ARHGAP28: variants seen among roughly 807,000 people sequenced by gnomAD.
ARHGAP28 encodes Rho GTPase activating protein 28.
ARHGAP28 carries 56 observed loss-of-function variants against 90.7 expected under a neutral mutation model. That is an observed-to-expected ratio of 0.62 (90% CI 0.50 to 0.77). ARHGAP28 has a LOEUF of 0.77. Among genes scored for constraint, ARHGAP28 ranks in the 30% least tolerant of loss-of-function variants. ARHGAP28 has a pLI of 0.00. For missense variants in ARHGAP28, 869 were observed against 900.9 expected, an observed-to-expected ratio of 0.96 and a Z score of 0.45; for synonymous variants, 308 against 323.3, an observed-to-expected ratio of 0.95 and a Z score of 0.51.
Position 6,859,898 on chromosome 18 carries a change from G to T in ARHGAP28, c.726+1G>T. ...TGCGGTTCCCAGGAGTGACTCTGTG[G>T]TAAGTCATCCATGTCAGCACAGTTA... On this transcript the variant is annotated splice_donor_variant, in intron 5 of 17. Coordinates refer to ENST00000383472, the MANE Select transcript of ARHGAP28 (RefSeq NM_001366230.1). LOFTEE classifies it high-confidence loss of function. 1 of 1,613,700 alleles carries T rather than the reference G, an allele frequency of 6.2e-7. No homozygotes were observed. Among genetic ancestry groups the T allele is most frequent in the East Asian group, 2.2e-5 (1 of 44,884 alleles).
chr18:6,750,936 G>A (rs2056063825), intron 1 of ARHGAP28, among the ~76,000 whole-genome samples: 1 of 151,974 alleles, frequency 6.6e-6, no homozygotes, highest in Non-Finnish European at 1.5e-5. Context: ...TTTCCTTTAT[G>A]CTACCAGTAA....
intron 1 of ARHGAP28, among the ~76,000 whole-genome samples, chr18:6,765,150 G>A (rs910863056): frequency 1.3e-5 from 2 of 152,130 alleles, no homozygotes; most frequent in East Asian, 3.9e-4. Flanking sequence ...GATGGTTTTG[G>A]TATCATTATA....
intron 3 of ARHGAP28, among the ~76,000 whole-genome samples, chr18:6,842,891 A>G (rs1481844446): frequency 6.6e-6 from 1 of 152,216 alleles, no homozygotes; most frequent in Non-Finnish European, 1.5e-5. Context: ...ATTAGAAATT[A>G]AAAAATAACA....
rs1409937279 is a variant in ARHGAP28 at position 6,896,540 on chromosome 18, A to T, written c.1944A>T (p.Pro648=). 1.2e-6 allele frequency: 2 copies of T among 1,614,190 alleles called. No individual in the cohort carries two copies. Among genetic ancestry groups the T allele is most frequent in the Non-Finnish European group, 1.7e-6 (2 of 1,180,010 alleles). ...VPEGVIRVHA[P]LLSKVSMAIQ... Reference sequence around the variant, plus strand: ...AAGGAGTCATACGGGTCCATGCTCCACTTCTCTCCAAGGTGTCCATGGCCA... The same window carrying T: ...AAGGAGTCATACGGGTCCATGCTCCTCTTCTCTCCAAGGTGTCCATGGCCA... Residue 648 remains proline, a synonymous_variant, in exon 16 of 18, where the codon CCA becomes CCT. Transcript: ENST00000383472.
At chr18:6,756,729 C>T (rs940432924) in intron 1 of ARHGAP28, among the ~76,000 whole-genome samples, 16 of 152,104 alleles carry the variant, frequency 1.1e-4, no homozygotes, top group African/African-American at 2.2e-4. Context: ...GTAGGGAAGC[C>T]GACAGTGCAG....
chr18:6,841,411 A>G (rs1405739415), intron 3 of ARHGAP28, among the ~76,000 whole-genome samples: 1 of 151,662 alleles, frequency 6.6e-6, no homozygotes, highest in East Asian at 1.9e-4. Context: ...TTAATCTTAG[A>G]TGTATAAATT....
intron 1 of ARHGAP28, among the ~76,000 whole-genome samples, chr18:6,762,043 G>T (rs1044560996): frequency 1.3e-5 from 2 of 152,116 alleles, no homozygotes; most frequent in Admixed American, 6.6e-5. Flanking sequence ...TTACCCATTT[G>T]CTGGTAGCAT....
intron 1 of ARHGAP28, among the ~76,000 whole-genome samples, chr18:6,794,031 TTAAAAA>T (rs1052864890): frequency 6.6e-6 from 1 of 152,148 alleles, no homozygotes; most frequent in East Asian, 1.9e-4. Flanking sequence ...CTTTTTCCAG[TTAAAAA>T]TAAACAATAT....
intron 16 of ARHGAP28, chr18:6,898,469 C>T (rs1235648246): frequency 6.2e-7 from 1 of 1,613,636 alleles, no homozygotes; most frequent in South Asian, 1.1e-5. Context: ...CACTTTCCTT[C>T]CTAAATGGAA....
At chr18:6,879,634 C>T (rs2057161364) in intron 10 of ARHGAP28, among the ~76,000 whole-genome samples, 1 of 152,216 alleles carries the variant, frequency 6.6e-6, no homozygotes, top group African/African-American at 2.4e-5. Flanking sequence ...CAGTATGACG[C>T]GGTATTATTC....
In ARHGAP28 at chr18:6,780,153, G is replaced by A. The variant is rs75256672; in HGVS notation, c.123-44609G>A. Among the ~76,000 whole-genome samples the A allele has an allele frequency of 4.0e-3, 616 of 152,296 alleles. 3 individuals carry two copies. Among genetic ancestry groups the A allele is most frequent in the African/African-American group, 0.011 (466 of 41,570 alleles). ...AAGGCCAGATGGCTGCCCAGAATCA[G>A]CTGGTCATATGCAGAAGCGAGACCA... On this transcript the variant is annotated intron_variant, in intron 1 of 17. Transcript: ENST00000383472.
At chr18:6,840,468 C>T (rs1394692484) in intron 3 of ARHGAP28, among the ~76,000 whole-genome samples, 1 of 152,148 alleles carries the variant, frequency 6.6e-6, no homozygotes, top group Non-Finnish European at 1.5e-5. Context: ...TTTTTGTGCA[C>T]CTTCTTCTTT....
intron 11 of ARHGAP28, among the ~76,000 whole-genome samples, chr18:6,882,967 G>C (rs2057190631): frequency 6.6e-6 from 1 of 152,112 alleles, no homozygotes; most frequent in Admixed American, 6.5e-5. Flanking sequence ...TGTAACAAGA[G>C]AAAAGTTTGG....
intron 2 of ARHGAP28, among the ~76,000 whole-genome samples, chr18:6,825,791 CT>C: frequency 6.6e-6 from 1 of 152,172 alleles, no homozygotes. Flanking sequence ...TGATTTCACT[CT>C]TTTTTATGGC....
intron 10 of ARHGAP28, 141 bp from the exon 11 acceptor site, chr18:6,881,996 T>C: frequency 1.5e-6 from 1 of 659,048 alleles, no homozygotes; most frequent in South Asian, 3.6e-5. Flanking sequence ...CTTAATCATG[T>C]TGAAAAAAAA....
At chr18:6,757,888 C>CA (rs942107782) in intron 1 of ARHGAP28, among the ~76,000 whole-genome samples, 22 of 152,220 alleles carry the variant, frequency 1.4e-4, no homozygotes, top group African/African-American at 5.3e-4. Flanking sequence ...GCTCACACAG[C>CA]ACTGCCCCAG....
At chr18:6,843,004 A>G (rs546447639) in intron 3 of ARHGAP28, among the ~76,000 whole-genome samples, 1 of 152,214 alleles carries the variant, frequency 6.6e-6, no homozygotes, top group Non-Finnish European at 1.5e-5. Context: ...ATTTTTTAAA[A>G]GACATGTACA....
intron 4 of ARHGAP28, among the ~76,000 whole-genome samples, chr18:6,851,668 ATGGATAAAAAAAAT>A (rs1336041400): frequency 6.6e-6 from 1 of 152,190 alleles, no homozygotes; most frequent in African/African-American, 2.4e-5. Context: ...TTGCAGGTAA[ATGGATAAAAAAAAT>A]TGTGGTATAT....
At chr18:6,747,897 A>G (rs970848077) in intron 1 of ARHGAP28, among the ~76,000 whole-genome samples, 1 of 152,232 alleles carries the variant, frequency 6.6e-6, no homozygotes, top group African/African-American at 2.4e-5. Context: ...CCAGCTGGGT[A>G]TCCAGTGTTG....
Sources: allele counts gnomAD v4.1 joint callset (sites outside exome capture counted in the v4.1 genomes callset), GRCh38; gene constraint gnomAD v4.1.1; transcripts MANE v1.5; gene names NCBI Gene and HGNC (gene_info 2026-07-23, HGNC 2026-07-21).